Variants in MAGI1 observed in about 807,000 individuals in gnomAD.
MAGI1 encodes membrane associated guanylate kinase, WW and PDZ domain containing 1, also known as membrane-associated guanylate kinase, WW and PDZ domain-containing protein 1.
Under a neutral mutation model 139.9 loss-of-function variants are expected in MAGI1, and 58 were observed. The ratio of observed to expected loss-of-function variants is 0.41; its 90% CI spans 0.34 to 0.52. The LOEUF (loss-of-function observed/expected upper bound fraction) is 0.52, where lower values mean the gene tolerates loss of function less well. Ranked by LOEUF, MAGI1 falls within the 20% of genes least tolerant of loss-of-function variation. The pLI is 0.12. For synonymous variants in MAGI1, 812 were observed against 737.9 expected (o/e 1.10, Z -1.63); for missense variants, 1,874 against 1,901.6 (o/e 0.99, Z 0.27).
In MAGI1 at chr3:65,445,717, T is replaced by A. The variant is rs955504208; in HGVS notation, c.1078+2305A>T. Among the ~76,000 whole-genome samples, 5 of 152,290 alleles carry A rather than the reference T, an allele frequency of 3.3e-5. No individual in the cohort carries two copies. In the South Asian group the frequency reaches 1.0e-3, roughly 32 times the overall value. On this transcript the variant is annotated intron_variant, in intron 7 of 22. Transcript: ENST00000402939. ...TGTCTGCAGAGGACGTGATAAATTC[T>A]GCAAACCAAAGTACATAATGGAGCA...
At chr3:66,013,568 T>C (rs1350422732) in intron 1 of MAGI1, among the ~76,000 whole-genome samples, 1 of 151,742 alleles carries the variant, frequency 6.6e-6, no homozygotes, top group Non-Finnish European at 1.5e-5. Context: ...GAGACCATCC[T>C]GGCTAACACA....
intron 1 of MAGI1, among the ~76,000 whole-genome samples, chr3:66,019,604 C>A (rs2067854585): frequency 6.6e-6 from 1 of 152,150 alleles, no homozygotes; most frequent in African/African-American, 2.4e-5. Flanking sequence ...TATCTACTTG[C>A]AAAGTTGTTG....
chr3:65,632,498 C>A lies in MAGI1; in HGVS notation c.314-10410G>T, dbSNP rs183742679. Reference sequence around the variant, plus strand: ...TCAACTAAAAAAACAAAAACTCTCACATCTAAAAAATACACAAATAAAGAA... The same window carrying A: ...TCAACTAAAAAAACAAAAACTCTCAAATCTAAAAAATACACAAATAAAGAA... On this transcript the variant is annotated intron_variant, in intron 1 of 22. Coordinates refer to ENST00000402939, the MANE Select transcript of MAGI1 (RefSeq NM_001033057.2). Among the ~76,000 whole-genome samples, 10 of 152,282 alleles carry A rather than the reference C, an allele frequency of 6.6e-5. No homozygotes were observed. The East Asian group carries it at 1.7e-3, about 26-fold the overall frequency.
At chr3:65,419,386 C>G (rs1415222767) in intron 12 of MAGI1, among the ~76,000 whole-genome samples, 1 of 152,176 alleles carries the variant, frequency 6.6e-6, no homozygotes. Flanking sequence ...GTGATACACT[C>G]TAATGTTTTC....
At chr3:65,922,272 T>C (rs1012448871) in intron 1 of MAGI1, among the ~76,000 whole-genome samples, 5 of 152,130 alleles carry the variant, frequency 3.3e-5, no homozygotes, top group Non-Finnish European at 7.3e-5. Context: ...TTGAATAGCA[T>C]CCCCTCAAAG....
chr3:65,514,705 TTGG>T (rs1353127168), intron 2 of MAGI1, among the ~76,000 whole-genome samples: 4 of 145,558 alleles, frequency 2.7e-5, no homozygotes, highest in African/African-American at 1.1e-4. Context: ...TTTTACACTG[TTGG>T]TGGGACTGTA....
At chr3:65,480,513 T>A (rs903736773) in intron 3 of MAGI1, among the ~76,000 whole-genome samples, 3 of 147,924 alleles carry the variant, frequency 2.0e-5, no homozygotes, top group Non-Finnish European at 3.0e-5. Flanking sequence ...CCAGCCTGGG[T>A]GAAAGAACTA....
chr3:65,779,771 A>T (rs2038779478), intron 1 of MAGI1, among the ~76,000 whole-genome samples: 1 of 152,246 alleles, frequency 6.6e-6, no homozygotes, highest in Admixed American at 6.5e-5. Flanking sequence ...AAGGTCTCCA[A>T]AAAAGATCTA....
chr3:65,543,797 A>G (rs764221860), intron 2 of MAGI1, among the ~76,000 whole-genome samples: 1 of 150,430 alleles, frequency 6.6e-6, no homozygotes, highest in Non-Finnish European at 1.5e-5. Context: ...GAAATACCTA[A>G]TGTAGATGAT....
chr3:65,542,440 C>A (rs184396452), intron 2 of MAGI1, among the ~76,000 whole-genome samples: 3,087 of 150,368 alleles, frequency 0.021, 109 homozygotes, highest in African/African-American at 0.071. Flanking sequence ...ATATGGAACC[C>A]AAAAAGTGCA....
At chr3:65,601,731 A>T (rs1221299923) in intron 2 of MAGI1, among the ~76,000 whole-genome samples, 2 of 75,546 alleles carry the variant, frequency 2.6e-5, no homozygotes, top group Non-Finnish European at 5.7e-5. Context: ...AGCACAAATA[A>T]AAAAAAAACA....
chr3:65,597,572 A>T (rs1171598719), intron 2 of MAGI1: 13 of 431,764 alleles, frequency 3.0e-5, no homozygotes, highest in Admixed American at 2.1e-4. Context: ...AGCCGCAGCC[A>T]TCTGGCCCTC....
intron 1 of MAGI1, among the ~76,000 whole-genome samples, chr3:65,867,507 A>G (rs1003767574): frequency 3.3e-5 from 5 of 152,102 alleles, no homozygotes; most frequent in Non-Finnish European, 7.4e-5. Context: ...GGCCGAAGTG[A>G]AAAGACTGCT....
At position 65,490,849 on chromosome 3, in the gene MAGI1, AAAAAAAAAG is replaced by A. The variant is rs1057243943; in HGVS notation, c.550+2654_550+2662del. ...ACAGAGCGAGACTCTGTCTCAAAAA[AAAAAAAAAG>A]AAAAAAGAAAGAAAAATTATGAGCC... On this transcript the variant is annotated intron_variant, in intron 3 of 22. Transcript: ENST00000402939. 1.1e-4 allele frequency among the ~76,000 whole-genome samples: 17 copies of A among 149,262 alleles called. 1 individual carries two copies. Among genetic ancestry groups the A allele is most frequent in the African/African-American group, 3.2e-4 (13 of 40,766 alleles).
intron 2 of MAGI1, among the ~76,000 whole-genome samples, chr3:65,534,795 G>A (rs748852252): frequency 2.6e-5 from 4 of 152,144 alleles, no homozygotes; most frequent in African/African-American, 4.8e-5. Flanking sequence ...ACTATTTCTT[G>A]TTCAGTTTTT....
At chr3:65,636,389 T>C in intron 1 of MAGI1, among the ~76,000 whole-genome samples, 1 of 152,170 alleles carries the variant, frequency 6.6e-6, no homozygotes, top group East Asian at 1.9e-4. Flanking sequence ...GATTATAATT[T>C]GCACACTCCA....
At chr3:65,936,605 AT>A (rs2063065336) in intron 1 of MAGI1, among the ~76,000 whole-genome samples, 1 of 151,910 alleles carries the variant, frequency 6.6e-6, no homozygotes, top group Admixed American at 6.6e-5. Context: ...AAAAAAAAAA[AT>A]CTTATGTAGA....
At chr3:65,884,034 A>G (rs1185635691) in intron 1 of MAGI1, among the ~76,000 whole-genome samples, 1 of 152,230 alleles carries the variant, frequency 6.6e-6, no homozygotes, top group African/African-American at 2.4e-5. Context: ...CTCTAGCAGA[A>G]AAGCAAGACA....
At position 65,539,034 on chromosome 3, in the gene MAGI1, C is replaced by A. The variant is rs375256677; in HGVS notation, c.431-45403G>T. 3.9e-5 allele frequency among the ~76,000 whole-genome samples: 6 copies of A among 152,026 alleles called. No homozygotes were observed. In the East Asian group the frequency reaches 9.7e-4, roughly 25 times the overall value. On this transcript the variant is annotated intron_variant, in intron 2 of 22. Transcript: ENST00000402939. ...ACTACCATCAAACAGACACACATAC[C>A]AACTACCATCAACCAGAACCACATA...
Sources: allele counts gnomAD v4.1 joint callset (sites outside exome capture counted in the v4.1 genomes callset), GRCh38; gene constraint gnomAD v4.1.1; transcripts MANE v1.5; gene names NCBI Gene and HGNC (gene_info 2026-07-23, HGNC 2026-07-21).